The following AP4S1 variants were observed in gnomAD, a reference collection of about 807,000 sequenced individuals.
AP4S1 encodes adaptor related protein complex 4 subunit sigma 1.
A neutral mutation model predicts 19.8 loss-of-function variants in AP4S1; 23 were observed. That is an observed-to-expected ratio of 1.16 (90% confidence interval 0.84 to 1.65). The LOEUF (loss-of-function observed/expected upper bound fraction) is 1.65. Among genes scored for constraint, AP4S1 ranks in the 40% most tolerant of loss-of-function variants. The pLI is 0.00. For synonymous variants in AP4S1, 46 were observed against 54.1 expected, an observed-to-expected ratio of 0.85 and a Z score of 0.66; for missense variants, 166 against 172.8, an observed-to-expected ratio of 0.96 and a Z score of 0.22.
chr14:31,058,946 C>T (rs1400650435), intron 1 of AP4S1, among the ~76,000 whole-genome samples: 1 of 152,086 alleles, frequency 6.6e-6, no homozygotes, highest in Non-Finnish European at 1.5e-5. Context: ...ACTCCCAACA[C>T]TTGTCTAAGC....
intron 1 of AP4S1, among the ~76,000 whole-genome samples, chr14:31,059,591 C>T (rs1241786149): frequency 6.6e-6 from 1 of 152,158 alleles, no homozygotes. Context: ...GGATGGTAAT[C>T]TTAGCTTCCT....
rs1033549289 is a variant in AP4S1, at chr14:31,095,920, C to G, written c.*2885C>G. 1.3e-5 allele frequency: 2 copies of G among 151,394 alleles called. No homozygotes were observed. The highest frequency in any genetic ancestry group is 2.9e-5 in the Non-Finnish European group (2 of 67,888). 9.4% of individuals were successfully genotyped at this position (151,394 alleles called of 1,614,324 possible). ...CCAACATGGTGAGACCCTGTCTCTA[C>G]TAAAACTACGAAAAATTAGCCGGGC... On this transcript the variant is annotated 3_prime_UTR_variant, in exon 6 of 6. Transcript: ENST00000542754.
At chr14:31,084,639 C>A in intron 5 of AP4S1, 1 of 1,450,968 alleles carries the variant, frequency 6.9e-7, no homozygotes, top group Non-Finnish European at 9.4e-7. Flanking sequence ...CAGTTCCACT[C>A]CACCCGCCCG....
intron 1 of AP4S1, among the ~76,000 whole-genome samples, chr14:31,036,731 A>C (rs995718009): frequency 6.6e-5 from 10 of 152,066 alleles, no homozygotes; most frequent in Non-Finnish European, 1.5e-4. Context: ...TTAGTTTCAC[A>C]CTCACTTCTA....
intron 1 of AP4S1, among the ~76,000 whole-genome samples, chr14:31,061,183 A>G (rs1886417360): frequency 6.6e-6 from 1 of 152,012 alleles, no homozygotes; most frequent in Non-Finnish European, 1.5e-5. Context: ...GTCTGGCCTA[A>G]TTTTGGTATT....
intron 1 of AP4S1, among the ~76,000 whole-genome samples, chr14:31,057,050 G>A (rs1261931212): frequency 2.0e-5 from 3 of 152,032 alleles, no homozygotes; most frequent in East Asian, 1.9e-4. Context: ...CTCCAGCCTC[G>A]GTGACAGAGT....
chr14:31,028,596 T>TACAC (rs112174443), intron 1 of AP4S1, among the ~76,000 whole-genome samples: 18,753 of 149,066 alleles, frequency 0.13, 1,256 homozygotes, highest in South Asian at 0.26. Flanking sequence ...TACACACACA[T>TACAC]ACACACACAC....
At chr14:31,070,389 C>T (rs1886937725) in intron 3 of AP4S1, among the ~76,000 whole-genome samples, 1 of 152,168 alleles carries the variant, frequency 6.6e-6, no homozygotes, top group South Asian at 2.1e-4. Flanking sequence ...TGCAGGCTCA[C>T]ACTCCCAAGC....
intron 1 of AP4S1, among the ~76,000 whole-genome samples, chr14:31,042,628 C>T (rs1397225866): frequency 6.6e-6 from 1 of 152,160 alleles, no homozygotes; most frequent in Non-Finnish European, 1.5e-5. Flanking sequence ...TCCTCATCCT[C>T]AGTTTTTCTC....
At chr14:31,081,939 C>G (rs1030047981) in intron 5 of AP4S1, among the ~76,000 whole-genome samples, 1 of 151,936 alleles carries the variant, frequency 6.6e-6, no homozygotes, top group Non-Finnish European at 1.5e-5. Flanking sequence ...TCAGATGATC[C>G]GCCTGCCTCA....
chr14:31,084,879 C>G lies in AP4S1; in HGVS notation c.306+4295C>G, dbSNP rs143728054. The stretch of plus-strand genomic sequence containing the variant: ...GAGCTGCCTCCACCACCCCCATCTA[C>G]TGAATAGCCAGGGGAGGGCACCAAT... On this transcript the variant is annotated intron_variant, in intron 5 of 5. Coordinates refer to ENST00000542754, the MANE Select transcript of AP4S1 (RefSeq NM_001128126.3). 5.6e-6 allele frequency: 9 copies of G among 1,614,090 alleles called. No individual in the cohort carries two copies. In the African/African-American group the frequency reaches 1.2e-4, roughly 22 times the overall value.
At chr14:31,028,170 T>A (rs1884153758) in intron 1 of AP4S1, among the ~76,000 whole-genome samples, 1 of 140,130 alleles carries the variant, frequency 7.1e-6, no homozygotes, top group African/African-American at 2.8e-5. Context: ...TTCTTCAAAT[T>A]ATTATTTTAT....
At chr14:31,052,934 A>ATTTTTTTT (rs1209280743) in intron 1 of AP4S1, among the ~76,000 whole-genome samples, 2 of 101,214 alleles carry the variant, frequency 2.0e-5, no homozygotes, top group African/African-American at 3.8e-5. Context: ...AGTGTGCTAA[A>ATTTTTTTT]TTTTTTTTTT....
intron 5 of AP4S1, among the ~76,000 whole-genome samples, chr14:31,087,439 C>T (rs1887950902): frequency 6.6e-6 from 1 of 152,164 alleles, no homozygotes. Flanking sequence ...TCATTGCAAC[C>T]TCTGTCTCCC....
chr14:31,056,433 A>G (rs1886121937), intron 1 of AP4S1, among the ~76,000 whole-genome samples: 1 of 151,416 alleles, frequency 6.6e-6, no homozygotes, highest in Non-Finnish European at 1.5e-5. Context: ...ATCTCAGCTC[A>G]CTGCAACCTC....
At chr14:31,088,044 C>T (rs1224059773) in intron 5 of AP4S1, among the ~76,000 whole-genome samples, 1 of 152,206 alleles carries the variant, frequency 6.6e-6, no homozygotes, top group Non-Finnish European at 1.5e-5. Context: ...AGGGCCTTCT[C>T]CAGCATGGGA....
At chr14:31,078,625 T>C (rs1027952445) in intron 4 of AP4S1, among the ~76,000 whole-genome samples, 1 of 152,220 alleles carries the variant, frequency 6.6e-6, no homozygotes, top group Non-Finnish European at 1.5e-5. Context: ...GTACAAGTAC[T>C]ATCATTGCTA....
intron 4 of AP4S1, among the ~76,000 whole-genome samples, chr14:31,077,152 G>A (rs185759189): frequency 3.3e-5 from 5 of 152,188 alleles, no homozygotes; most frequent in Non-Finnish European, 5.9e-5. Context: ...GGTCAGGCTC[G>A]TCTCGAACTC....
intron 5 of AP4S1, chr14:31,083,694 G>A (rs1020539163): frequency 2.6e-6 from 1 of 381,856 alleles, no homozygotes; most frequent in African/African-American, 2.1e-5. Context: ...ATTTTTTGAG[G>A]AGATGGGGTC....
Sources: allele counts gnomAD v4.1 joint callset (sites outside exome capture counted in the v4.1 genomes callset), GRCh38; gene constraint gnomAD v4.1.1; transcripts MANE v1.5; gene names NCBI Gene and HGNC (gene_info 2026-07-23, HGNC 2026-07-21).